The following GRIA4 variants were observed in gnomAD, a reference collection of about 807,000 sequenced individuals.
GRIA4 encodes glutamate ionotropic receptor AMPA type subunit 4.
Under a neutral mutation model 104.0 loss-of-function variants are expected in GRIA4, and 34 were observed. The observed-to-expected ratio is 0.33, with a 90% CI of 0.25 to 0.44. The LOEUF (loss-of-function observed/expected upper bound fraction) is 0.44. Among genes scored for constraint, GRIA4 ranks in the 20% least tolerant of loss-of-function variants. The pLI is 1.00. For synonymous variants in GRIA4, 386 were observed against 381.9 expected (o/e 1.01, Z -0.13); for missense variants, 750 against 1,096.5 (o/e 0.68, Z 4.46).
At chr11:105,819,653 A>G (rs1943507542) in intron 4 of GRIA4, among the ~76,000 whole-genome samples, 1 of 152,120 alleles carries the variant, frequency 6.6e-6, no homozygotes, top group African/African-American at 2.4e-5. Context: ...GGGTAAGGGT[A>G]GATAAAATTG....
At chr11:105,770,485 C>T (rs140756325) in intron 4 of GRIA4, among the ~76,000 whole-genome samples, 115 of 152,080 alleles carry the variant, frequency 7.6e-4, no homozygotes, top group African/African-American at 2.7e-3. Context: ...TTCACTCACC[C>T]AAAATAAACG....
chr11:105,886,422 C>T (rs1783876), intron 5 of GRIA4, among the ~76,000 whole-genome samples: 148,938 of 151,776 alleles, frequency 0.98, 73,075 homozygotes, highest in East Asian at 1. Context: ...TGCTATAAAA[C>T]AGTATGTTTT....
intron 5 of GRIA4, among the ~76,000 whole-genome samples, chr11:105,864,273 GA>G (rs1350147738): frequency 2.0e-5 from 3 of 152,074 alleles, no homozygotes; most frequent in African/African-American, 7.2e-5. Context: ...AGCTCTAAAT[GA>G]AACAACTTTC....
chr11:105,849,123 C>T lies in GRIA4; in HGVS notation c.488-12901C>T, dbSNP rs978006898. Among the ~76,000 whole-genome samples the T allele has an allele frequency of 2.6e-5, 4 of 151,996 alleles. No individual in the cohort carries two copies. The South Asian group carries it at 8.3e-4, about 32-fold the overall frequency. On this transcript the variant is annotated intron_variant, in intron 4 of 16. Transcript: ENST00000282499. Reference sequence around the variant, plus strand: ...AGGAAAATCACTTGAACCTGGGAGTCGGAGGTTGCAGTGAGCCCAGATTGC... The same window carrying T: ...AGGAAAATCACTTGAACCTGGGAGTTGGAGGTTGCAGTGAGCCCAGATTGC...
At chr11:105,700,670 CA>C (rs1335616509) in intron 3 of GRIA4, among the ~76,000 whole-genome samples, 1 of 152,130 alleles carries the variant, frequency 6.6e-6, no homozygotes, top group African/African-American at 2.4e-5. Flanking sequence ...CTCTCTTTTT[CA>C]GCCTTCAAAT....
chr11:105,679,057 G>T (rs1952630176), intron 3 of GRIA4, among the ~76,000 whole-genome samples: 1 of 151,914 alleles, frequency 6.6e-6, no homozygotes, highest in Non-Finnish European at 1.5e-5. Context: ...TGTATATATA[G>T]AAAAAAAATC....
chr11:105,750,377 T>G (rs952406747), intron 3 of GRIA4, among the ~76,000 whole-genome samples: 6 of 151,962 alleles, frequency 3.9e-5, no homozygotes, highest in Non-Finnish European at 8.8e-5. Context: ...CAGCTGTAAA[T>G]TTGCAAAGGG....
intron 3 of GRIA4, among the ~76,000 whole-genome samples, chr11:105,700,022 A>G (rs1410520189): frequency 6.6e-6 from 1 of 152,204 alleles, no homozygotes; most frequent in East Asian, 1.9e-4. Flanking sequence ...CACTCAATAA[A>G]TATTTGTCAA....
intron 4 of GRIA4, among the ~76,000 whole-genome samples, chr11:105,814,403 G>A (rs1943296538): frequency 6.6e-6 from 1 of 152,192 alleles, no homozygotes; most frequent in African/African-American, 2.4e-5. Flanking sequence ...TAATGAAAGT[G>A]TCCTGTGTAT....
At chr11:105,637,643 T>C (rs908029758) in intron 3 of GRIA4, among the ~76,000 whole-genome samples, 1 of 152,188 alleles carries the variant, frequency 6.6e-6, no homozygotes, top group African/African-American at 2.4e-5. Context: ...AATACCTGCC[T>C]GTTTTAGGAC....
intron 11 of GRIA4, among the ~76,000 whole-genome samples, chr11:105,919,754 T>G (rs2136186370): frequency 6.6e-6 from 1 of 152,296 alleles, no homozygotes; most frequent in South Asian, 2.1e-4. Context: ...AAACTAAATC[T>G]GTAGCTTGTA....
chr11:105,787,254 A>AC (rs1413413699), intron 4 of GRIA4, among the ~76,000 whole-genome samples: 1 of 152,158 alleles, frequency 6.6e-6, no homozygotes. Flanking sequence ...ATAAACCTTT[A>AC]TAATGTAAAT....
chr11:105,914,459 G>A (rs950054643), intron 10 of GRIA4, among the ~76,000 whole-genome samples: 4 of 151,810 alleles, frequency 2.6e-5, no homozygotes, highest in African/African-American at 9.7e-5. Context: ...ATTTTGTTTC[G>A]ATAGTTCCAC....
chr11:105,708,952 A>G (rs931149448), intron 3 of GRIA4, among the ~76,000 whole-genome samples: 5 of 151,392 alleles, frequency 3.3e-5, no homozygotes, highest in Admixed American at 6.6e-5. Context: ...GTATCTACAC[A>G]TAATGTGGAC....
intron 3 of GRIA4, among the ~76,000 whole-genome samples, chr11:105,654,896 C>T (rs1377984110): frequency 6.6e-6 from 1 of 152,124 alleles, no homozygotes; most frequent in African/African-American, 2.4e-5. Context: ...AAAACCTCCT[C>T]TGTTCTCTCC....
At chr11:105,740,803 T>C (rs1939258494) in intron 3 of GRIA4, among the ~76,000 whole-genome samples, 1 of 152,000 alleles carries the variant, frequency 6.6e-6, no homozygotes, top group Non-Finnish European at 1.5e-5. Context: ...GGGGAGAAGA[T>C]AAGTTTAAAT....
chr11:105,695,064 A>T (rs1376265313), intron 3 of GRIA4, among the ~76,000 whole-genome samples: 1 of 152,202 alleles, frequency 6.6e-6, no homozygotes, highest in African/African-American at 2.4e-5. Flanking sequence ...TCTTATTTTA[A>T]TTCACACTTT....
At chr11:105,650,670 C>T (rs1180103207) in intron 3 of GRIA4, among the ~76,000 whole-genome samples, 2 of 152,092 alleles carry the variant, frequency 1.3e-5, no homozygotes, top group Non-Finnish European at 2.9e-5. Context: ...AATTCCTGCC[C>T]TTGAGTCTCT....
chr11:105,735,177 C>A (rs1938970), intron 3 of GRIA4, among the ~76,000 whole-genome samples: 1 of 151,606 alleles, frequency 6.6e-6, no homozygotes, highest in African/African-American at 2.4e-5. Context: ...TCAGATTAAA[C>A]CCTTAGAGAC....
Sources: gnomAD v4.1 joint callset for allele counts (sites outside exome capture counted in the v4.1 genomes callset) on GRCh38, gnomAD v4.1.1 for gene constraint, MANE v1.5 for transcripts, NCBI Gene and HGNC (gene_info 2026-07-23, HGNC 2026-07-21) for gene names.